Variants in COL19A1 observed in about 807,000 individuals in gnomAD.
The protein encoded by COL19A1 is collagen type XIX alpha 1 chain, also known as collagen alpha-1(XIX) chain.
Under a neutral mutation model 190.2 loss-of-function variants are expected in COL19A1, and 159 were observed. The observed-to-expected ratio is 0.84, with a 90% CI of 0.73 to 0.95. COL19A1 has a LOEUF of 0.95. Among genes scored for constraint, COL19A1 ranks in the 40% least tolerant of loss-of-function variants. The probability of loss-of-function intolerance (pLI) is 0.00; values close to 1 mark genes in which losing one functional copy is unlikely to be tolerated. For missense variants in COL19A1, 1,418 were observed against 1,431.9 expected (o/e 0.99, Z 0.16); for synonymous variants, 509 against 458.9 (o/e 1.11, Z -1.39).
At chr6:70,041,395 T>C (rs1358996679) in intron 14 of COL19A1, among the ~76,000 whole-genome samples, 1 of 152,186 alleles carries the variant, frequency 6.6e-6, no homozygotes, top group Non-Finnish European at 1.5e-5. Flanking sequence ...ACCCTTATCC[T>C]TTTTATATTT....
intron 12 of COL19A1, among the ~76,000 whole-genome samples, chr6:70,033,469 G>A (rs1779180548): frequency 6.6e-6 from 1 of 151,980 alleles, no homozygotes; most frequent in Admixed American, 6.6e-5. Flanking sequence ...TTACCACGTA[G>A]TCAGGATGTG....
At chr6:70,177,507 C>T (rs1362934420) in intron 42 of COL19A1, among the ~76,000 whole-genome samples, 5 of 152,206 alleles carry the variant, frequency 3.3e-5, no homozygotes, top group Admixed American at 6.5e-5. Flanking sequence ...CATCCATCAT[C>T]TGCATCCTTC....
intron 11 of COL19A1, among the ~76,000 whole-genome samples, chr6:70,006,818 A>G (rs1423253164): frequency 6.6e-6 from 1 of 152,096 alleles, no homozygotes; most frequent in Non-Finnish European, 1.5e-5. Flanking sequence ...GAAAATGGAG[A>G]GGAAATACAT....
At chr6:70,035,822 T>C (rs915282943) in intron 13 of COL19A1, 82 bp from the exon 14 acceptor site, 1 of 1,112,642 alleles carries the variant, frequency 9.0e-7, no homozygotes, top group Non-Finnish European at 1.3e-6. Context: ...CTCTATATAT[T>C]GCTTCTATCC....
At chr6:70,173,120 G>A (rs1765593065) in intron 41 of COL19A1, among the ~76,000 whole-genome samples, 1 of 152,202 alleles carries the variant, frequency 6.6e-6, no homozygotes, top group Non-Finnish European at 1.5e-5. Flanking sequence ...CTATGAGCAA[G>A]GCCTATTTTG....
intron 16 of COL19A1, among the ~76,000 whole-genome samples, chr6:70,110,006 G>A (rs948815195): frequency 2.0e-5 from 3 of 152,090 alleles, no homozygotes; most frequent in South Asian, 2.1e-4. Flanking sequence ...AGTATCTTCC[G>A]TCTCCAACTT....
At chr6:70,054,756 G>A (rs1780398437) in intron 14 of COL19A1, among the ~76,000 whole-genome samples, 1 of 152,108 alleles carries the variant, frequency 6.6e-6, no homozygotes, top group African/African-American at 2.4e-5. Flanking sequence ...ATTTGGGTTT[G>A]TACATGACTA....
At position 70,145,012 on chromosome 6, in the gene COL19A1, G is replaced by C; in HGVS notation, c.1770+5G>C. 6.4e-7 allele frequency: 1 copy of C among 1,563,890 alleles called. No homozygotes were observed. Among genetic ancestry groups the C allele is most frequent in the Non-Finnish European group, 8.7e-7 (1 of 1,152,814 alleles). ...AAAAGCCTGCCAGGGGAACCAGTAAGTATTAGCCCTTTTGTTAATATTTTT... is the reference window on the plus strand; with the variant it reads ...AAAAGCCTGCCAGGGGAACCAGTAACTATTAGCCCTTTTGTTAATATTTTT... On this transcript the variant is annotated splice_donor_5th_base_variant and intron_variant, in intron 25 of 50. Coordinates refer to ENST00000620364, the MANE Select transcript of COL19A1 (RefSeq NM_001858.6).
chr6:70,185,982 C>T (rs1446835253), intron 46 of COL19A1, among the ~76,000 whole-genome samples: 3 of 152,052 alleles, frequency 2.0e-5, no homozygotes, highest in Non-Finnish European at 4.4e-5. Flanking sequence ...CACTCTAATA[C>T]ATAATATACA....
intron 1 of COL19A1, among the ~76,000 whole-genome samples, chr6:69,870,719 G>T (rs1035026543): frequency 2.0e-5 from 3 of 152,088 alleles, no homozygotes; most frequent in African/African-American, 7.2e-5. Flanking sequence ...TTTAGAAATA[G>T]AATTCTTGAG....
intron 4 of COL19A1, among the ~76,000 whole-genome samples, chr6:69,916,202 C>T (rs891648285): frequency 6.6e-6 from 1 of 152,168 alleles, no homozygotes; most frequent in African/African-American, 2.4e-5. Flanking sequence ...TCCCAAAGTG[C>T]AGGGATTACA....
chr6:69,936,874 G>A lies in COL19A1; in HGVS notation c.837G>A (p.Gln279=). 6.2e-7 allele frequency: 1 copy of A among 1,613,128 alleles called. No homozygotes were observed. Among genetic ancestry groups the A allele is most frequent in the Non-Finnish European group, 8.5e-7 (1 of 1,179,280 alleles). ...TGTCTTCATATCTGCCAGCAAAGCA[G>A]GAACTTAAAGACCAGTGCCAGTGCA... The part of the protein sequence containing the change: ...SKMSSYLPAK[Q]ELKDQCQCIP... The change falls in exon 8 of 51, where the codon CAG becomes CAA. Residue 279 remains glutamine (Q), a synonymous_variant. Transcript: ENST00000620364.
intron 10 of COL19A1, among the ~76,000 whole-genome samples, chr6:69,961,194 T>C (rs1440138734): frequency 1.8e-4 from 27 of 152,230 alleles, no homozygotes; most frequent in Admixed American, 1.8e-3. Context: ...GAAGTTACTA[T>C]GCATGTAGGT....
At chr6:69,886,711 G>A (rs1254772429) in intron 2 of COL19A1, among the ~76,000 whole-genome samples, 2 of 151,564 alleles carry the variant, frequency 1.3e-5, no homozygotes, top group Non-Finnish European at 2.9e-5. Flanking sequence ...CTGTCTACTT[G>A]ACATAATATT....
chr6:70,117,933 G>A (rs1230913427), intron 16 of COL19A1, among the ~76,000 whole-genome samples: 1 of 152,144 alleles, frequency 6.6e-6, no homozygotes, highest in Non-Finnish European at 1.5e-5. Flanking sequence ...ATAAGCCAAG[G>A]CTGACATGCC....
intron 11 of COL19A1, among the ~76,000 whole-genome samples, chr6:69,971,274 T>C (rs908064693): frequency 6.6e-6 from 1 of 152,228 alleles, no homozygotes; most frequent in Admixed American, 6.5e-5. Context: ...TATGTGAGCA[T>C]TCCCTTGTTG....
chr6:69,903,500 A>C (rs1337479496), intron 4 of COL19A1, among the ~76,000 whole-genome samples: 1 of 152,050 alleles, frequency 6.6e-6, no homozygotes, highest in Non-Finnish European at 1.5e-5. Flanking sequence ...TGTTGGGTAC[A>C]CTCTGCATGA....
chr6:70,206,727 C>A (rs1389058412), intron 49 of COL19A1, among the ~76,000 whole-genome samples, 174 bp from the exon 50 acceptor site: 1 of 151,198 alleles, frequency 6.6e-6, no homozygotes, highest in Non-Finnish European at 1.5e-5. Flanking sequence ...TATACCCAAT[C>A]TGTTTGATAT....
At chr6:69,929,369 T>C in intron 5 of COL19A1, 56 bp from the exon 6 acceptor site, 1 of 1,533,288 alleles carries the variant, frequency 6.5e-7, no homozygotes, top group East Asian at 2.3e-5. Context: ...TTGTGTGCTT[T>C]AATAATTTTG....
Sources: gnomAD v4.1 joint callset for allele counts (sites outside exome capture counted in the v4.1 genomes callset) on GRCh38, gnomAD v4.1.1 for gene constraint, MANE v1.5 for transcripts, NCBI Gene and HGNC (gene_info 2026-07-23, HGNC 2026-07-21) for gene names.